OSMR: variants seen among roughly 807,000 people sequenced by gnomAD.
The protein encoded by OSMR is oncostatin-M-specific receptor subunit beta.
A neutral mutation model predicts 99.9 loss-of-function variants in OSMR; 81 were observed. That is an observed-to-expected ratio of 0.81 (90% CI 0.68 to 0.97). The LOEUF (loss-of-function observed/expected upper bound fraction) is 0.97. Among genes scored for constraint, OSMR ranks in the 50% least tolerant of loss-of-function variants. OSMR has a pLI of 0.00. For synonymous variants in OSMR, 406 were observed against 410.4 expected, an observed-to-expected ratio of 0.99 and a Z score of 0.13; for missense variants, 1,099 against 1,153.4, an observed-to-expected ratio of 0.95 and a Z score of 0.68.
chr5:38,944,801 G>T, intron 2 of OSMR: 1 of 1,074,060 alleles, frequency 9.3e-7, no homozygotes, highest in Non-Finnish European at 1.4e-6. Context: ...TAAAATGGAC[G>T]TATTACTGTT....
intron 1 of OSMR, chr5:38,942,428 A>G: frequency 9.6e-7 from 1 of 1,040,856 alleles, no homozygotes; most frequent in Non-Finnish European, 1.4e-6. Context: ...AACAGATGAT[A>G]TAACATATTT....
At chr5:38,846,964 G>A (rs1407829223) in intron 1 of OSMR, among the ~76,000 whole-genome samples, 1 of 152,226 alleles carries the variant, frequency 6.6e-6, no homozygotes, top group African/African-American at 2.4e-5. Context: ...ATGCATGCCT[G>A]CATCCGTCCA....
chr5:38,862,282 T>C (rs2921713), intron 1 of OSMR, among the ~76,000 whole-genome samples: 14,459 of 42,866 alleles, frequency 0.34, 4,599 homozygotes, highest in South Asian at 0.49. Context: ...GGCGGCTGGC[T>C]GGGCGGGGGG....
At chr5:38,862,756 C>G (rs1465137727) in intron 1 of OSMR, among the ~76,000 whole-genome samples, 1 of 148,662 alleles carries the variant, frequency 6.7e-6, no homozygotes, top group African/African-American at 2.5e-5. Flanking sequence ...ACTTCCCAGA[C>G]GGGGTGGCGG....
intron 10 of OSMR, 86 bp downstream of exon 10, chr5:38,917,708 A>T: frequency 8.9e-7 from 1 of 1,125,474 alleles, no homozygotes; most frequent in Non-Finnish European, 1.3e-6. Context: ...AGAACTGTGG[A>T]TTGGTTCAGT....
chr5:38,921,050 G>A (rs1231312604), intron 11 of OSMR, among the ~76,000 whole-genome samples: 1 of 152,098 alleles, frequency 6.6e-6, no homozygotes, highest in Non-Finnish European at 1.5e-5. Flanking sequence ...AGCAACTGAT[G>A]TTACCGTGGG....
At position 38,934,395 on chromosome 5, in the gene OSMR, C is replaced by T. The variant is rs1281021828; in HGVS notation, c.*951C>T. 6.6e-6 allele frequency: 1 copy of T among 152,100 alleles called. No homozygotes were observed. Among genetic ancestry groups the T allele is most frequent in the African/African-American group, 2.4e-5 (1 of 41,386 alleles). 9.4% of individuals were successfully genotyped at this position (152,100 alleles called of 1,614,324 possible). A position where few individuals can be genotyped will look rare whatever the true frequency, so the allele number is the denominator to read the frequency against. The stretch of plus-strand genomic sequence containing the variant: ...TTATGCTAAAATAGTAAAATGAAAC[C>T]TCATTGTTGGACATAATTTAGATAT... On this transcript the variant is annotated 3_prime_UTR_variant, in exon 18 of 18. Transcript: ENST00000274276.
downstream of OSMR, chr5:38,940,505 A>G (rs1433002338): frequency 4.3e-6 from 1 of 232,726 alleles, no homozygotes; most frequent in African/African-American, 2.2e-5. Context: ...CGTTCTTAGA[A>G]GTACTGTTGA....
At chr5:38,902,865 G>A (rs1407791921) in intron 7 of OSMR, among the ~76,000 whole-genome samples, 1 of 152,098 alleles carries the variant, frequency 6.6e-6, no homozygotes, top group Non-Finnish European at 1.5e-5. Context: ...CCAGGAAGGA[G>A]CAATCACATA....
At chr5:38,925,062 A>G in intron 14 of OSMR, 142 bp from the exon 15 acceptor site, 2 of 1,495,586 alleles carry the variant, frequency 1.3e-6, no homozygotes, top group Non-Finnish European at 1.8e-6. Context: ...TGAAATTATG[A>G]TTTGATTTTT....
chr5:38,853,253 G>A (rs1221342762), intron 1 of OSMR, among the ~76,000 whole-genome samples: 3 of 152,140 alleles, frequency 2.0e-5, no homozygotes, highest in African/African-American at 7.2e-5. Flanking sequence ...TTATTTTGCT[G>A]AAGGAAATGA....
intron 13 of OSMR, 73 bp from the exon 14 acceptor site, chr5:38,924,349 T>A (rs1746371021): frequency 1.2e-6 from 2 of 1,608,686 alleles, no homozygotes; most frequent in African/African-American, 1.3e-5. Context: ...ATGGTTCTTC[T>A]ATTAGTTGAC....
intron 9 of OSMR, among the ~76,000 whole-genome samples, chr5:38,907,292 A>G (rs1453308616): frequency 6.6e-6 from 1 of 152,112 alleles, no homozygotes; most frequent in East Asian, 1.9e-4. Flanking sequence ...CCTGCCGTGG[A>G]CCTTTGGAAT....
Position 38,904,407 on chromosome 5 carries a change from G to A in OSMR, c.1189G>A (p.Ala397Thr), listed in dbSNP as rs1296117784. The change falls in exon 9 of 18, where the codon GCC becomes ACC. Residue 397 changes from alanine (A) to threonine (T), a missense_variant. Ala to Thr is a moderately conservative substitution (Grantham distance 58, BLOSUM62 0). Transcript: ENST00000274276. Reference sequence around the variant, plus strand: ...GTACTTCTTAAGTGAACTGGAACCTGCCACAGAGTACATGGCGCGAGTACG... The same window carrying A: ...GTACTTCTTAAGTGAACTGGAACCTACCACAGAGTACATGGCGCGAGTACG... ...GEYFLSELEP[A>T]TEYMARVRCA... is the part of the protein sequence containing the mutation. 6.2e-7 allele frequency: 1 copy of A among 1,614,144 alleles called. No homozygotes were observed.
At position 38,921,595 on chromosome 5, in the gene OSMR, C is replaced by A; in HGVS notation, c.1586-20C>A. On this transcript the variant is annotated intron_variant, in intron 11 of 17. Transcript: ENST00000274276. ...ACAGTTAATTAAATCTGGAGCATTG[C>A]TCTATTTGTTTATATACAGAAGAGG... 6.2e-7 allele frequency: 1 copy of A among 1,613,724 alleles called. No homozygotes were observed. The highest frequency in any genetic ancestry group is 8.5e-7 in the Non-Finnish European group (1 of 1,179,880).
intron 9 of OSMR, among the ~76,000 whole-genome samples, chr5:38,904,907 G>T (rs143003129): frequency 3.2e-4 from 49 of 152,274 alleles, no homozygotes; most frequent in African/African-American, 1.1e-3. Context: ...ATGACATTTG[G>T]AACCTTAATG....
chr5:38,933,602 C>T lies in OSMR; in HGVS notation c.*158C>T. 2 of 769,664 alleles carry T rather than the reference C, an allele frequency of 2.6e-6. No homozygotes were observed. 47.7% of individuals were successfully genotyped at this position (769,664 alleles called of 1,614,324 possible). Reference sequence around the variant, plus strand: ...GTCTGGCTAGGTTAAAGGCCAGAGGCTATGGAACTTAACACTCCCCATTGG... The same window carrying T: ...GTCTGGCTAGGTTAAAGGCCAGAGGTTATGGAACTTAACACTCCCCATTGG... On this transcript the variant is annotated 3_prime_UTR_variant, in exon 18 of 18. Transcript: ENST00000274276.
intron 17 of OSMR, 150 bp downstream of exon 17, chr5:38,932,685 TG>T (rs34318786): frequency 6.5e-7 from 1 of 1,528,554 alleles, no homozygotes; most frequent in Non-Finnish European, 8.8e-7. Context: ...AATAGGTGAT[TG>T]GAGCTTTGAT....
chr5:38,931,941 C>A lies in OSMR; in HGVS notation c.2271C>A (p.Val757=). The part of the protein sequence containing the change: ...PMVFCVLLIM[V]MCYLKSQWIK... The stretch of plus-strand genomic sequence containing the variant: ...TTTTCTGCGTCTTGCTCATCATGGT[C>A]ATGTGCTACTTGAAAAGTCAGTGGT... Residue 757 remains valine (V), a synonymous_variant, in exon 16 of 18, where the codon GTC becomes GTA. Coordinates refer to ENST00000274276, the MANE Select transcript of OSMR (RefSeq NM_003999.3). 2.5e-6 allele frequency: 4 copies of A among 1,613,198 alleles called. No individual in the cohort carries two copies. The South Asian group carries it at 4.4e-5, about 18-fold the overall frequency.
Sources: gnomAD v4.1 joint callset for allele counts (sites outside exome capture counted in the v4.1 genomes callset) on GRCh38, gnomAD v4.1.1 for gene constraint, MANE v1.5 for transcripts, NCBI Gene and HGNC (gene_info 2026-07-23, HGNC 2026-07-21) for gene names.